TENM3: variants seen among roughly 807,000 people sequenced by gnomAD.
The protein encoded by TENM3 is teneurin transmembrane protein 3.
In TENM3, 63 loss-of-function variants were observed where a neutral mutation model predicts 255.1. The observed-to-expected ratio is 0.25, with a 90% CI of 0.20 to 0.30. The LOEUF (loss-of-function observed/expected upper bound fraction) is 0.30, where lower values mean the gene tolerates loss of function less well. TENM3 is among the 10% of genes least tolerant of loss of function. The probability of loss-of-function intolerance (pLI) is 1.00; values close to 1 mark genes in which losing one functional copy is unlikely to be tolerated. For synonymous variants in TENM3, 1,306 were observed against 1,322.3 expected (o/e 0.99, Z 0.27); for missense variants, 2,929 against 3,461.1 (o/e 0.85, Z 3.86).
At chr4:181,752,793 A>T in the TENM3 span, among the ~76,000 whole-genome samples, 8 of 152,282 alleles carry the variant, frequency 5.3e-5, no homozygotes, top group South Asian at 1.2e-3. Flanking sequence ...AGAAAAAAAA[A>T]TAGATCTTTT....
At chr4:182,772,235 C>A (rs1241855464) in intron 22 of TENM3, among the ~76,000 whole-genome samples, 1 of 152,060 alleles carries the variant, frequency 6.6e-6, no homozygotes, top group Non-Finnish European at 1.5e-5. Context: ...AAAAAACAAA[C>A]AAAACACCTC....
the TENM3 span, among the ~76,000 whole-genome samples, chr4:181,506,697 T>C: frequency 2.6e-5 from 4 of 151,742 alleles, no homozygotes; most frequent in African/African-American, 9.7e-5. Context: ...AGGACCATGA[T>C]GAGGACAACT....
the TENM3 span, among the ~76,000 whole-genome samples, chr4:181,592,369 G>GCCTC: frequency 7.2e-6 from 1 of 139,766 alleles, no homozygotes; most frequent in Admixed American, 7.4e-5. Context: ...AGATGACTAA[G>GCCTC]TTTAAAGAGG....
chr4:182,139,232 G>A (rs547196766), upstream of TENM3, among the ~76,000 whole-genome samples: 242 of 152,304 alleles, frequency 1.6e-3, no homozygotes, highest in Middle Eastern at 0.02. Context: ...CCAACGGGAG[G>A]AGAGTATCAC....
chr4:182,280,127 A>G (rs1319263772), intron 1 of TENM3, among the ~76,000 whole-genome samples: 1 of 152,142 alleles, frequency 6.6e-6, no homozygotes, highest in Non-Finnish European at 1.5e-5. Context: ...TCCTGGACCC[A>G]GTGTGGACAT....
chr4:181,539,723 CTT>C, the TENM3 span, among the ~76,000 whole-genome samples: 2 of 152,260 alleles, frequency 1.3e-5, no homozygotes, highest in East Asian at 3.9e-4. Flanking sequence ...TAAATTAACT[CTT>C]ATGTCACTAA....
intron 1 of TENM3, among the ~76,000 whole-genome samples, chr4:182,197,364 A>G (rs1753893169): frequency 1.3e-5 from 2 of 152,292 alleles, no homozygotes; most frequent in South Asian, 4.1e-4. Context: ...GATGTGAGAT[A>G]GGGAATAGCC....
At chr4:181,895,021 ATAGT>A in the TENM3 span, among the ~76,000 whole-genome samples, 27 of 152,192 alleles carry the variant, frequency 1.8e-4, no homozygotes, top group Admixed American at 1.6e-3. Flanking sequence ...TCAATCCGCC[ATAGT>A]TATTTATTTA....
intron 1 of TENM3, among the ~76,000 whole-genome samples, chr4:182,212,397 A>G (rs967925788): frequency 4.6e-5 from 7 of 152,220 alleles, no homozygotes; most frequent in African/African-American, 1.7e-4. Flanking sequence ...ACCAACAGGC[A>G]AGAACGCGCC....
the TENM3 span, among the ~76,000 whole-genome samples, chr4:181,659,360 C>T: frequency 1.3e-5 from 2 of 152,138 alleles, no homozygotes; most frequent in African/African-American, 4.8e-5. Flanking sequence ...CTTGCTTTCA[C>T]TTTGCCCTGT....
At chr4:182,329,706 AAAAC>A (rs1273447429) in intron 2 of TENM3, among the ~76,000 whole-genome samples, 1 of 152,206 alleles carries the variant, frequency 6.6e-6, no homozygotes, top group Non-Finnish European at 1.5e-5. Flanking sequence ...CAACAACAAC[AAAAC>A]AAACAATGGC....
the TENM3 span, among the ~76,000 whole-genome samples, chr4:181,540,733 G>T: frequency 6.6e-6 from 1 of 152,072 alleles, no homozygotes. Context: ...AACCTGCCAA[G>T]GTCATCAAAA....
At chr4:181,667,265 C>CA in the TENM3 span, among the ~76,000 whole-genome samples, 1 of 152,142 alleles carries the variant, frequency 6.6e-6, no homozygotes, top group African/African-American at 2.4e-5. Flanking sequence ...TTCTGCTCTT[C>CA]CCTTAATGTC....
the TENM3 span, among the ~76,000 whole-genome samples, chr4:181,956,455 A>C: frequency 1.0e-3 from 153 of 152,314 alleles, no homozygotes; most frequent in African/African-American, 3.5e-3. Flanking sequence ...ATGTTCCATG[A>C]GGGCAGGTGT....
chr4:182,753,871 A>C (rs145002759), intron 21 of TENM3, among the ~76,000 whole-genome samples: 2 of 152,262 alleles, frequency 1.3e-5, no homozygotes, highest in African/African-American at 4.8e-5. Context: ...AAGTAGGAGC[A>C]TGCAGGTATT....
chr4:181,935,875 T>C, the TENM3 span, among the ~76,000 whole-genome samples: 5 of 152,154 alleles, frequency 3.3e-5, no homozygotes, highest in African/African-American at 1.2e-4. Flanking sequence ...CTCATTTCCA[T>C]TATAGTCGCT....
At chr4:181,556,863 A>G in the TENM3 span, among the ~76,000 whole-genome samples, 1 of 152,304 alleles carries the variant, frequency 6.6e-6, no homozygotes, top group East Asian at 1.9e-4. Flanking sequence ...TCTCAAGTGC[A>G]TAGTATACCA....
At chr4:182,571,490 T>C (rs972016923) in intron 3 of TENM3, among the ~76,000 whole-genome samples, 1 of 152,172 alleles carries the variant, frequency 6.6e-6, no homozygotes, top group Admixed American at 6.5e-5. Flanking sequence ...GGCACCACTC[T>C]ATTCCCACCT....
intron 3 of TENM3, among the ~76,000 whole-genome samples, chr4:182,583,333 CTGTG>C (rs3073440): frequency 0.1 from 14,627 of 143,362 alleles, 748 homozygotes; most frequent in Middle Eastern, 0.13. Context: ...GCTTAAACCT[CTGTG>C]TGTGTGTGTG....
Sources: allele counts gnomAD v4.1 joint callset (sites outside exome capture counted in the v4.1 genomes callset), GRCh38; gene constraint gnomAD v4.1.1; transcripts MANE v1.5; gene names NCBI Gene and HGNC (gene_info 2026-07-23, HGNC 2026-07-21).